The following KLHDC4 variants were observed in gnomAD, a reference collection of about 807,000 sequenced individuals.
The protein encoded by KLHDC4 is kelch domain containing 4.
A neutral mutation model predicts 62.4 loss-of-function variants in KLHDC4; 90 were observed. The ratio of observed to expected loss-of-function variants is 1.44; its 90% CI spans 1.22 to 1.72. The LOEUF is 1.72. Among genes scored for constraint, KLHDC4 ranks in the 40% most tolerant of loss-of-function variants. KLHDC4 has a pLI of 0.00. For missense variants in KLHDC4, 1,025 were observed against 699.7 expected (o/e 1.47, Z -5.25); for synonymous variants, 386 against 284.4 (o/e 1.36, Z -3.59).
intron 1 of KLHDC4, 111 bp from the exon 2 acceptor site, chr16:87,762,151 C>T (rs2045984153): frequency 2.0e-6 from 3 of 1,528,746 alleles, no homozygotes; most frequent in Non-Finnish European, 2.6e-6. Context: ...TCAGTCACAT[C>T]TGTGAATTGC....
chr16:87,759,116 G>A (rs2045473254), intron 2 of KLHDC4, among the ~76,000 whole-genome samples: 3 of 152,146 alleles, frequency 2.0e-5, no homozygotes, highest in Non-Finnish European at 4.4e-5. Flanking sequence ...AGGTTGCGGT[G>A]AGCCGATATC....
intron 7 of KLHDC4, among the ~76,000 whole-genome samples, chr16:87,725,032 CA>C (rs1567709411): frequency 6.6e-6 from 1 of 152,190 alleles, no homozygotes; most frequent in South Asian, 2.1e-4. Context: ...CAGCAATGAA[CA>C]GAAACATGCA....
chr16:87,744,065 G>A (rs1288140276), intron 5 of KLHDC4, among the ~76,000 whole-genome samples: 2 of 152,076 alleles, frequency 1.3e-5, no homozygotes, highest in Non-Finnish European at 2.9e-5. Flanking sequence ...GATCACTTGA[G>A]GTCAGGAGTT....
chr16:87,714,088 C>T (rs560157099), intron 8 of KLHDC4, among the ~76,000 whole-genome samples: 15 of 152,236 alleles, frequency 9.9e-5, no homozygotes, highest in African/African-American at 1.9e-4. Context: ...ACCCCAAGAG[C>T]GAGGCCCGTC....
chr16:87,763,716 T>G (rs951914464), intron 1 of KLHDC4: 3 of 152,274 alleles, frequency 2.0e-5, no homozygotes, highest in Non-Finnish European at 4.4e-5. Flanking sequence ...CTAACGTCTA[T>G]GTACCGCGAA....
chr16:87,708,553 G>T (rs1567646053), intron 10 of KLHDC4, 87 bp from the exon 11 acceptor site: 10 of 875,850 alleles, frequency 1.1e-5, no homozygotes, highest in Admixed American at 2.7e-5. Context: ...TACGTCCTGG[G>T]GGGATTCCAT....
intron 7 of KLHDC4, among the ~76,000 whole-genome samples, chr16:87,723,369 C>T (rs1048408170): frequency 1.3e-5 from 2 of 152,230 alleles, no homozygotes; most frequent in Non-Finnish European, 1.5e-5. Context: ...AGACTGAGGG[C>T]GGGTGCACGT....
At chr16:87,714,723 C>G (rs2036593971) in intron 7 of KLHDC4, 150 bp from the exon 8 acceptor site, 2 of 799,146 alleles carry the variant, frequency 2.5e-6, no homozygotes, top group African/African-American at 1.7e-5. Flanking sequence ...CTGCAGTGTG[C>G]TCAGGGCTGG....
intron 1 of KLHDC4, among the ~76,000 whole-genome samples, chr16:87,762,810 G>T (rs776572022): frequency 6.6e-6 from 1 of 152,086 alleles, no homozygotes; most frequent in Non-Finnish European, 1.5e-5. Flanking sequence ...ACACTCCCAT[G>T]CACACCCGAG....
intron 4 of KLHDC4, among the ~76,000 whole-genome samples, chr16:87,754,136 T>C (rs1358672361): frequency 6.6e-6 from 1 of 151,740 alleles, no homozygotes; most frequent in Non-Finnish European, 1.5e-5. Context: ...CAAGACTCCC[T>C]CTCAAAAAAA....
downstream of KLHDC4, among the ~76,000 whole-genome samples, chr16:87,706,279 GGGGA>G (rs2034697427): frequency 7.7e-6 from 1 of 129,732 alleles, no homozygotes; most frequent in Non-Finnish European, 1.6e-5. Context: ...GGTCGGTGGC[GGGGA>G]GGGGGGTGAG....
In KLHDC4 at chr16:87,721,284, G is replaced by A. The variant is rs545360473; in HGVS notation, c.759+5481C>T. 3.9e-5 allele frequency among the ~76,000 whole-genome samples: 6 copies of A among 152,128 alleles called. No individual in the cohort carries two copies. In the South Asian group the frequency reaches 8.3e-4, roughly 21 times the overall value. On this transcript the variant is annotated intron_variant, in intron 7 of 11. Coordinates refer to ENST00000270583, the MANE Select transcript of KLHDC4 (RefSeq NM_017566.4). ...AAATATAAAAAATTAGCCGGGTGTG[G>A]TGGCAGGCGCCTGTAGTCCCACCTA...
At position 87,711,234 on chromosome 16, in the gene KLHDC4, C is replaced by T. The variant is rs776918211; in HGVS notation, c.1044+1G>A. 2 of 1,613,936 alleles carry T rather than the reference C, an allele frequency of 1.2e-6. No homozygotes were observed. Among genetic ancestry groups the T allele is most frequent in the Admixed American group, 1.7e-5 (1 of 60,018 alleles). ...CGCATGCTACTCAGAGGTTGCACTA[C>T]CTTCAGCTGTCCCTCAAACCAACGG... On this transcript the variant is annotated splice_donor_variant, in intron 9 of 11. Coordinates refer to ENST00000270583, the MANE Select transcript of KLHDC4 (RefSeq NM_017566.4). LOFTEE classifies it high-confidence loss of function.
At chr16:87,751,204 G>A (rs952475112) in intron 4 of KLHDC4, among the ~76,000 whole-genome samples, 1 of 152,234 alleles carries the variant, frequency 6.6e-6, no homozygotes, top group Non-Finnish European at 1.5e-5. Flanking sequence ...GGCTGGGCGT[G>A]GTGGCTCACG....
At chr16:87,751,606 C>T (rs2043954056) in intron 4 of KLHDC4, among the ~76,000 whole-genome samples, 1 of 152,040 alleles carries the variant, frequency 6.6e-6, no homozygotes, top group Non-Finnish European at 1.5e-5. Flanking sequence ...AATATTTACA[C>T]CTTACATAAT....
intron 2 of KLHDC4, among the ~76,000 whole-genome samples, chr16:87,760,606 CAAAAAAAA>C (rs546426686): frequency 1.9e-4 from 10 of 52,160 alleles, no homozygotes; most frequent in Non-Finnish European, 3.8e-4. Context: ...GACTCCGTCC[CAAAAAAAA>C]AAAAAAAAAA....
Position 87,709,448 on chromosome 16 carries a change from C to T in KLHDC4, c.1264G>A (p.Ala422Thr). 1 of 1,612,320 alleles carries T rather than the reference C, an allele frequency of 6.2e-7. No individual in the cohort carries two copies. Among genetic ancestry groups the T allele is most frequent in the Non-Finnish European group, 8.5e-7 (1 of 1,179,922 alleles). Residue 422 changes from alanine to threonine, a missense_variant, in exon 10 of 12, where the codon GCC becomes ACC. Coordinates refer to ENST00000270583, the MANE Select transcript of KLHDC4 (RefSeq NM_017566.4). Reference protein sequence around the residue: ...RSEDEDSLEEAGSPAPGPCPR... With the variant: ...RSEDEDSLEETGSPAPGPCPR... The stretch of plus-strand genomic sequence containing the variant: ...CACGGCCCAGGTGCGGGGCTGCCGG[C>T]CTCCTCAAGGCTGTCTTCGTCCTCA...
At chr16:87,731,553 C>G (rs1341662782) in intron 5 of KLHDC4, among the ~76,000 whole-genome samples, 1 of 152,006 alleles carries the variant, frequency 6.6e-6, no homozygotes, top group Non-Finnish European at 1.5e-5. Context: ...ACAGTGACTT[C>G]CTACCACACA....
intron 5 of KLHDC4, among the ~76,000 whole-genome samples, chr16:87,740,417 C>G (rs2042065419): frequency 6.6e-6 from 1 of 152,112 alleles, no homozygotes; most frequent in Admixed American, 6.5e-5. Context: ...TTGGGGGTTC[C>G]CAGGAGCAGC....
Sources: allele counts gnomAD v4.1 joint callset (sites outside exome capture counted in the v4.1 genomes callset), GRCh38; gene constraint gnomAD v4.1.1; transcripts MANE v1.5; gene names NCBI Gene and HGNC (gene_info 2026-07-23, HGNC 2026-07-21).